PKN2: variants seen among roughly 807,000 people sequenced by gnomAD.
PKN2 encodes serine/threonine-protein kinase N2.
In PKN2, 38 loss-of-function variants were observed where a neutral mutation model predicts 119.1. The observed-to-expected ratio is 0.32, with a 90% CI of 0.25 to 0.42. The LOEUF is 0.42. Among genes scored for constraint, PKN2 ranks in the 10% least tolerant of loss-of-function variants. The pLI, the probability that PKN2 is intolerant of heterozygous loss-of-function variation, is 1.00. For synonymous variants in PKN2, 390 were observed against 384.9 expected (o/e 1.01, Z -0.15); for missense variants, 850 against 1,165.1 (o/e 0.73, Z 3.94).
intron 8 of PKN2, among the ~76,000 whole-genome samples, chr1:88,791,616 G>A (rs1003597593): frequency 2.0e-5 from 3 of 152,234 alleles, no homozygotes; most frequent in Admixed American, 6.5e-5. Context: ...TGTAGGCCCC[G>A]ATCTGTGTAA....
At chr1:88,749,769 TAAG>T (rs1166567546) in intron 2 of PKN2, among the ~76,000 whole-genome samples, 1 of 152,226 alleles carries the variant, frequency 6.6e-6, no homozygotes, top group African/African-American at 2.4e-5. Flanking sequence ...AGAAGTATGT[TAAG>T]AATATAGATA....
Position 88,814,716 on chromosome 1 carries a change from T to C in PKN2, c.2279+983T>C, listed in dbSNP as rs370523140. 2.6e-5 allele frequency among the ~76,000 whole-genome samples: 4 copies of C among 152,292 alleles called. No individual in the cohort carries two copies. The East Asian group carries it at 5.8e-4, about 22-fold the overall frequency. On this transcript the variant is annotated intron_variant, in intron 16 of 21. Transcript: ENST00000370521. ...GAACACAAAAAGTCATTCTTGATGC[T>C]CTTTTTCCTTTAACTTCAACACTCA...
chr1:88,771,850 G>A lies in PKN2; in HGVS notation c.956G>A (p.Ser319Asn), dbSNP rs764041928. ...ATGATATCTACGCAAAATCAATATA[G>A]TACACTATCCAAACCAGCAGCACTA... ...QSMISTQNQY[S>N]TLSKPAALTG... Residue 319 changes from serine (S) to asparagine (N), a missense_variant, in exon 6 of 22, where the codon AGT becomes AAT. By Grantham distance (46) the Ser-to-Asn change is conservative (BLOSUM62 1). This residue lies in a region of PKN2 where 350 missense variants were observed against 511.1 expected (regional missense o/e 0.68). Coordinates refer to ENST00000370521, the MANE Select transcript of PKN2 (RefSeq NM_006256.4). 1.9e-6 allele frequency: 3 copies of A among 1,613,474 alleles called. No individual in the cohort carries two copies. Among genetic ancestry groups the A allele is most frequent in the African/African-American group, 2.7e-5 (2 of 74,874 alleles).
At chr1:88,804,558 G>C in intron 9 of PKN2, 24 bp downstream of exon 9, 1 of 1,590,334 alleles carries the variant, frequency 6.3e-7, no homozygotes, top group Non-Finnish European at 8.6e-7. Flanking sequence ...TTTATTAAAT[G>C]TGCATAACTA....
intron 2 of PKN2, among the ~76,000 whole-genome samples, chr1:88,754,955 G>T (rs1017500175): frequency 6.6e-6 from 1 of 152,062 alleles, no homozygotes; most frequent in African/African-American, 2.4e-5. Context: ...TAATACCCCC[G>T]AAAATACTTT....
chr1:88,687,638 A>T (rs1458546591), intron 1 of PKN2, among the ~76,000 whole-genome samples: 1 of 152,202 alleles, frequency 6.6e-6, no homozygotes, highest in East Asian at 1.9e-4. Flanking sequence ...AAAATGCCCA[A>T]TAAAGTGTTG....
chr1:88,771,375 GA>G (rs1376872642), intron 4 of PKN2, 45 bp from the exon 5 acceptor site: 1 of 1,475,702 alleles, frequency 6.8e-7, no homozygotes, highest in South Asian at 1.3e-5. Context: ...CTGCAAATTG[GA>G]AAGTCAGATA....
intron 1 of PKN2, among the ~76,000 whole-genome samples, chr1:88,733,265 T>G (rs185670529): frequency 7.9e-5 from 12 of 152,308 alleles, no homozygotes. Context: ...TGAGTAGCCT[T>G]CATGCTGTTT....
Position 88,741,178 on chromosome 1 carries a change from C to T in PKN2, c.239C>T (p.Ala80Val), listed in dbSNP as rs1668564482. The T allele has an allele frequency of 1.9e-6, 3 of 1,608,230 alleles. No homozygotes were observed. Among genetic ancestry groups the T allele is most frequent in the Non-Finnish European group, 1.7e-6 (2 of 1,178,086 alleles). The change falls in exon 2 of 22, where the codon GCT (alanine) becomes GTT (valine). Residue 80 changes from alanine (A) to valine (V), a missense_variant. Ala to Val is a moderately conservative substitution (Grantham distance 64). Coordinates refer to ENST00000370521, the MANE Select transcript of PKN2 (RefSeq NM_006256.4). ...RKVTTDKKSL[A>V]YVDNILKKSN... ...GTCACAACAGATAAAAAAAGTTTGG[C>T]TTATGTAGACAACATTTTGAAAAAA...
At chr1:88,803,228 C>T (rs1323201982) in intron 8 of PKN2, among the ~76,000 whole-genome samples, 1 of 152,074 alleles carries the variant, frequency 6.6e-6, no homozygotes, top group Non-Finnish European at 1.5e-5. Flanking sequence ...CTGTGAAACC[C>T]TCTGGCACAT....
intron 6 of PKN2, among the ~76,000 whole-genome samples, chr1:88,780,798 T>G (rs1435197786): frequency 6.6e-6 from 1 of 152,140 alleles, no homozygotes; most frequent in East Asian, 1.9e-4. Context: ...CATTTCTGAA[T>G]GATCCATTGA....
intron 6 of PKN2, among the ~76,000 whole-genome samples, chr1:88,777,982 T>C (rs1342125915): frequency 2.0e-5 from 3 of 152,130 alleles, no homozygotes; most frequent in Non-Finnish European, 4.4e-5. Context: ...CTTACAATAC[T>C]CCCTTGTATT....
At chr1:88,820,848 A>G (rs1023824496) in intron 16 of PKN2, among the ~76,000 whole-genome samples, 6 of 152,300 alleles carry the variant, frequency 3.9e-5, no homozygotes, top group African/African-American at 1.4e-4. Flanking sequence ...TACACTGAAG[A>G]CATTTGCATT....
intron 2 of PKN2, among the ~76,000 whole-genome samples, chr1:88,751,851 A>G (rs986693615): frequency 4.0e-5 from 6 of 151,608 alleles, no homozygotes; most frequent in East Asian, 1.9e-4. Flanking sequence ...GTTGACATCT[A>G]TTTTCTTTCA....
intron 1 of PKN2, among the ~76,000 whole-genome samples, chr1:88,689,984 A>G (rs929541376): frequency 6.6e-6 from 1 of 152,256 alleles, no homozygotes; most frequent in Non-Finnish European, 1.5e-5. Context: ...TGAATTAAAC[A>G]TACTAAATAA....
chr1:88,822,869 G>A (rs901765400), intron 17 of PKN2, among the ~76,000 whole-genome samples: 7 of 150,852 alleles, frequency 4.6e-5, no homozygotes, highest in Non-Finnish European at 8.9e-5. Flanking sequence ...GTGAGCCACC[G>A]TGCCCAGCCG....
At chr1:88,791,791 A>C (rs1670852911) in intron 8 of PKN2, among the ~76,000 whole-genome samples, 1 of 152,222 alleles carries the variant, frequency 6.6e-6, no homozygotes, top group Admixed American at 6.5e-5. Context: ...GTAAAGACCT[A>C]TCCAGATATT....
chr1:88,779,757 T>C (rs1043512350), intron 6 of PKN2, among the ~76,000 whole-genome samples: 2 of 152,350 alleles, frequency 1.3e-5, no homozygotes, highest in African/African-American at 2.4e-5. Flanking sequence ...TAATCAGTTT[T>C]ATTCTGTGTT....
chr1:88,723,796 A>G (rs1667789754), intron 1 of PKN2, among the ~76,000 whole-genome samples: 1 of 152,234 alleles, frequency 6.6e-6, no homozygotes, highest in African/African-American at 2.4e-5. Flanking sequence ...GTATTGGTGG[A>G]GTTTTAAAAT....
Sources: gnomAD v4.1 joint callset for allele counts (sites outside exome capture counted in the v4.1 genomes callset) on GRCh38, gnomAD v4.1.1 for gene constraint, gnomAD v4.1.1 regional missense constraint, MANE v1.5 for transcripts, NCBI Gene and HGNC (gene_info 2026-07-23, HGNC 2026-07-21) for gene names.